The following COL10A1 variants were observed in gnomAD, a reference collection of about 807,000 sequenced individuals.
COL10A1 encodes the protein collagen type X alpha 1 chain, also known as collagen alpha-1(X) chain.
COL10A1 carries 10 observed loss-of-function variants against 18.2 expected under a neutral mutation model. The observed-to-expected ratio is 0.55, with a 90% confidence interval of 0.34 to 0.93. The LOEUF (loss-of-function observed/expected upper bound fraction) is 0.93, where lower values mean the gene tolerates loss of function less well. COL10A1 is among the 40% of genes least tolerant of loss of function. COL10A1 has a pLI of 0.02. For synonymous variants in COL10A1, 330 were observed against 316.6 expected (o/e 1.04, Z -0.45); for missense variants, 897 against 853.5 (o/e 1.05, Z -0.64).
the COL10A1 span, among the ~76,000 whole-genome samples, chr6:116,178,090 CGCGCGCGCGCGCGTGCGTGCGT>C: frequency 7.7e-5 from 8 of 103,522 alleles, no homozygotes; most frequent in African/African-American, 2.1e-4. Context: ...TGTGTGTGTG[CGCGCGCGCGCGCGTGCGTGCGT>C]GTGTGTGTGT....
chr6:116,172,035 G>C, the COL10A1 span, among the ~76,000 whole-genome samples: 1 of 152,160 alleles, frequency 6.6e-6, no homozygotes, highest in East Asian at 1.9e-4. Flanking sequence ...GAGGAAGGTA[G>C]AGAAAACACT....
chr6:116,121,791 C>T lies in COL10A1; in HGVS notation c.325G>A (p.Gly109Ser), dbSNP rs752878392. The T allele has an allele frequency of 3.7e-6, 6 of 1,613,894 alleles. No homozygotes were observed. The highest frequency in any genetic ancestry group is 1.1e-5 in the South Asian group (1 of 91,030). The change falls in exon 3 of 3, where the codon GGT becomes AGT. Residue 109 changes from glycine to serine, a missense_variant. Gly to Ser is a moderately conservative substitution (Grantham distance 56). Transcript: ENST00000651968. ...GGTTTTCCTGGGAGTCCTGGCACAC[C>T]TGGTTTCCCTACAGCTGATGGTCCC... is the stretch of plus-strand genomic sequence containing the variant. ...PPGPSAVGKPGVPGLPGKPGE... is the reference protein window; with the variant it reads ...PPGPSAVGKPSVPGLPGKPGE...
At chr6:116,148,533 A>G (rs918555756) in intron 1 of COL10A1, among the ~76,000 whole-genome samples, 4 of 152,110 alleles carry the variant, frequency 2.6e-5, no homozygotes, top group Admixed American at 6.5e-5. Flanking sequence ...GTGGATGTTG[A>G]TTTTCATTGT....
At chr6:116,187,113 T>G in the COL10A1 span, among the ~76,000 whole-genome samples, 1 of 152,182 alleles carries the variant, frequency 6.6e-6, no homozygotes, top group South Asian at 2.1e-4. Context: ...AGAGCCAGAC[T>G]GCAGTGATGC....
At chr6:116,168,850 T>C in the COL10A1 span, among the ~76,000 whole-genome samples, 3 of 152,232 alleles carry the variant, frequency 2.0e-5, no homozygotes, top group Non-Finnish European at 4.4e-5. Flanking sequence ...CTAGCACTCC[T>C]GGATCACCTG....
At chr6:116,143,953 T>C (rs551955951) in intron 1 of COL10A1, among the ~76,000 whole-genome samples, 6 of 152,166 alleles carry the variant, frequency 3.9e-5, no homozygotes, top group Non-Finnish European at 8.8e-5. Flanking sequence ...CTGATGTGAG[T>C]AGAATGTCTT....
chr6:116,210,354 A>G, the COL10A1 span, among the ~76,000 whole-genome samples: 1 of 149,326 alleles, frequency 6.7e-6, no homozygotes, highest in Non-Finnish European at 1.5e-5. Context: ...GAAATGTAAT[A>G]ATGTACCATG....
chr6:116,175,453 A>G, the COL10A1 span, among the ~76,000 whole-genome samples: 6 of 152,282 alleles, frequency 3.9e-5, 1 homozygote, highest in South Asian at 1.2e-3. Context: ...TGTGTTTGAT[A>G]TCCTTCATTA....
chr6:116,212,929 A>G, the COL10A1 span, among the ~76,000 whole-genome samples: 5 of 152,204 alleles, frequency 3.3e-5, no homozygotes, highest in Non-Finnish European at 7.3e-5. Context: ...GTAAATTTAT[A>G]TGCAGTAGAA....
chr6:116,173,167 G>A, the COL10A1 span, among the ~76,000 whole-genome samples: 3 of 152,128 alleles, frequency 2.0e-5, no homozygotes, highest in East Asian at 1.9e-4. Context: ...CATTGTATGT[G>A]TCTAAACCAC....
At chr6:116,200,694 T>C in the COL10A1 span, among the ~76,000 whole-genome samples, 1 of 152,012 alleles carries the variant, frequency 6.6e-6, no homozygotes, top group Non-Finnish European at 1.5e-5. Context: ...CCTCAACTTC[T>C]CTCTCTGGGT....
chr6:116,119,995 C>T lies in COL10A1; in HGVS notation c.*78G>A. The T allele has an allele frequency of 8.3e-7, 1 of 1,203,512 alleles. No individual in the cohort carries two copies. Among genetic ancestry groups the T allele is most frequent in the Non-Finnish European group, 1.2e-6 (1 of 808,842 alleles). 74.6% of individuals were successfully genotyped at this position (1,203,512 alleles called of 1,614,324 possible). A position where few individuals can be genotyped will look rare whatever the true frequency, so the allele number is the denominator to read the frequency against. On this transcript the variant is annotated 3_prime_UTR_variant, in exon 3 of 3. Transcript: ENST00000651968. Reference sequence around the variant, plus strand: ...AAATTACATTCTTTTCAGCCTACCTCCATATGCATTTTGTAGGGTGGGGTA... The same window carrying T: ...AAATTACATTCTTTTCAGCCTACCTTCATATGCATTTTGTAGGGTGGGGTA...
rs138831203 is a variant in COL10A1, at chr6:116,120,081, G to C, written c.2035C>G (p.Pro679Ala). ...HSSFSGFLVA[P>A]M Reference sequence around the variant, plus strand: ...ATTAGCTCTGTGTGTACTCACATTGGAGCCACTAGGAATCCTGAGAAAGAG... The same window carrying C: ...ATTAGCTCTGTGTGTACTCACATTGCAGCCACTAGGAATCCTGAGAAAGAG... Residue 679 changes from proline to alanine, a missense_variant, in exon 3 of 3, where the codon CCA becomes GCA. Physicochemically the swap from Pro to Ala is conservative, Grantham distance 27. Coordinates refer to ENST00000651968, the MANE Select transcript of COL10A1 (RefSeq NM_000493.4). The C allele has an allele frequency of 6.2e-7, 1 of 1,613,434 alleles. No homozygotes were observed. Among genetic ancestry groups the C allele is most frequent in the Non-Finnish European group, 8.5e-7 (1 of 1,179,718 alleles).
chr6:116,163,536 T>C (rs937927159), upstream of COL10A1, among the ~76,000 whole-genome samples: 2 of 152,114 alleles, frequency 1.3e-5, no homozygotes, highest in African/African-American at 4.8e-5. Flanking sequence ...TAGTTAGTAG[T>C]CTATCAATTT....
chr6:116,176,926 C>T, the COL10A1 span, among the ~76,000 whole-genome samples: 1 of 151,938 alleles, frequency 6.6e-6, no homozygotes, highest in African/African-American at 2.4e-5. Flanking sequence ...CTTTTTTTGC[C>T]CCGTGTAATT....
upstream of COL10A1, among the ~76,000 whole-genome samples, chr6:116,160,413 T>A (rs1471088513): frequency 6.6e-6 from 1 of 152,174 alleles, no homozygotes; most frequent in East Asian, 1.9e-4. Flanking sequence ...TTGTATGTCT[T>A]ATTTTGAGAA....
intron 1 of COL10A1, among the ~76,000 whole-genome samples, chr6:116,135,573 A>G (rs1007257409): frequency 3.3e-5 from 5 of 151,694 alleles, no homozygotes; most frequent in African/African-American, 4.8e-5. Flanking sequence ...TTGATGAACA[A>G]TATAACTTCT....
upstream of COL10A1, among the ~76,000 whole-genome samples, chr6:116,159,670 G>A (rs1197851844): frequency 6.6e-6 from 1 of 152,170 alleles, no homozygotes; most frequent in African/African-American, 2.4e-5. Context: ...GTGCAGGTTT[G>A]TTAACGTGGG....
At chr6:116,197,333 T>C in the COL10A1 span, among the ~76,000 whole-genome samples, 1 of 152,112 alleles carries the variant, frequency 6.6e-6, no homozygotes. Flanking sequence ...TAACTGAACA[T>C]TTTACAAAAT....
Sources: gnomAD v4.1 joint callset for allele counts (sites outside exome capture counted in the v4.1 genomes callset) on GRCh38, gnomAD v4.1.1 for gene constraint, MANE v1.5 for transcripts, NCBI Gene and HGNC (gene_info 2026-07-23, HGNC 2026-07-21) for gene names.